The following KIFAP3 variants were observed in gnomAD, a reference collection of about 807,000 sequenced individuals.
KIFAP3 encodes the protein kinesin-associated protein 3.
KIFAP3 carries 68 observed loss-of-function variants against 106.5 expected under a neutral mutation model. The ratio of observed to expected loss-of-function variants is 0.64; its 90% CI spans 0.53 to 0.78. The LOEUF (loss-of-function observed/expected upper bound fraction) is 0.78. Ranked by LOEUF, KIFAP3 falls within the 30% of genes least tolerant of loss-of-function variation. The probability of loss-of-function intolerance (pLI) is 0.00; values close to 1 mark genes in which losing one functional copy is unlikely to be tolerated. For synonymous variants in KIFAP3, 320 were observed against 311.5 expected (o/e 1.03, Z -0.29); for missense variants, 780 against 941.8 (o/e 0.83, Z 2.25).
At chr1:170,072,300 G>C (rs375444711) in intron 1 of KIFAP3, among the ~76,000 whole-genome samples, 144 of 152,246 alleles carry the variant, frequency 9.5e-4, no homozygotes, top group African/African-American at 3.1e-3. Flanking sequence ...AATACAATGG[G>C]AAGTAAGATA....
At chr1:169,983,234 C>G (rs749722645) in intron 13 of KIFAP3, 36 bp downstream of exon 13, 2 of 1,172,910 alleles carry the variant, frequency 1.7e-6, no homozygotes, top group South Asian at 2.7e-5. Context: ...TTTCAATTCC[C>G]AGTCTATTTG....
At chr1:170,073,406 C>T (rs1434963109) in intron 1 of KIFAP3, among the ~76,000 whole-genome samples, 1 of 152,204 alleles carries the variant, frequency 6.6e-6, no homozygotes, top group African/African-American at 2.4e-5. Context: ...TATGAGTCTA[C>T]TAACACTTGG....
chr1:169,952,209 C>T (rs545461090), intron 19 of KIFAP3, among the ~76,000 whole-genome samples: 5 of 152,040 alleles, frequency 3.3e-5, no homozygotes, highest in Admixed American at 2.0e-4. Flanking sequence ...TTAAAGTACA[C>T]TACAGAACAC....
At chr1:170,084,687 G>A (rs181705130) in intron 1 of KIFAP3, among the ~76,000 whole-genome samples, 419 of 152,218 alleles carry the variant, frequency 2.8e-3, no homozygotes, top group Admixed American at 4.5e-3. Flanking sequence ...AAATATCATG[G>A]TACAGTTAAG....
chr1:169,994,558 T>C (rs1667279813), intron 10 of KIFAP3, among the ~76,000 whole-genome samples: 1 of 152,130 alleles, frequency 6.6e-6, no homozygotes, highest in South Asian at 2.1e-4. Context: ...CTCCTTGGGA[T>C]AAGATAAAAA....
chr1:169,978,158 C>T lies in KIFAP3; in HGVS notation c.1824G>A (p.Val608=), dbSNP rs763661913. 2 of 1,611,592 alleles carry T rather than the reference C, an allele frequency of 1.2e-6. No homozygotes were observed. The highest frequency in any genetic ancestry group is 2.2e-5 in the East Asian group (1 of 44,758). ...GGTAGAAGACATAAATTATCTGACACACAAATTCATCATCTTCTTGTTGAG... is the reference window on the plus strand; with the variant it reads ...GGTAGAAGACATAAATTATCTGACATACAAATTCATCATCTTCTTGTTGAG... ...LNAQQEDDEF[V]CQIIYVFYQM... Residue 608 remains valine (V), a synonymous_variant, in exon 16 of 20, where the codon GTG becomes GTA. Transcript: ENST00000361580.
chr1:170,059,481 A>G (rs1219242271), intron 1 of KIFAP3, among the ~76,000 whole-genome samples: 1 of 152,218 alleles, frequency 6.6e-6, no homozygotes, highest in East Asian at 1.9e-4. Context: ...GAATCCCTGA[A>G]CAGACCAATA....
chr1:170,073,362 GATTT>G (rs1450257983), intron 1 of KIFAP3, among the ~76,000 whole-genome samples: 2 of 152,212 alleles, frequency 1.3e-5, no homozygotes, highest in African/African-American at 4.8e-5. Flanking sequence ...CAATAGAGTT[GATTT>G]ATTTATTATA....
chr1:169,948,767 C>T (rs1407127001), intron 19 of KIFAP3, among the ~76,000 whole-genome samples: 1 of 151,812 alleles, frequency 6.6e-6, no homozygotes, highest in Admixed American at 6.6e-5. Context: ...TTTTGCTTGG[C>T]CAAATTAAGG....
At chr1:169,986,556 C>A (rs1168783005) in intron 11 of KIFAP3, among the ~76,000 whole-genome samples, 1 of 151,876 alleles carries the variant, frequency 6.6e-6, no homozygotes, top group Non-Finnish European at 1.5e-5. Context: ...GTAAAATAAT[C>A]TTAATTTACT....
At chr1:170,015,012 T>C (rs1166105640) in intron 10 of KIFAP3, among the ~76,000 whole-genome samples, 1 of 152,146 alleles carries the variant, frequency 6.6e-6, no homozygotes, top group Non-Finnish European at 1.5e-5. Flanking sequence ...ACAGTTCTAA[T>C]AAAACAGTCT....
Position 169,921,596 on chromosome 1 carries a change from T to C in KIFAP3, c.*80A>G. 9.5e-7 allele frequency: 1 copy of C among 1,056,812 alleles called. No individual in the cohort carries two copies. Among genetic ancestry groups the C allele is most frequent in the Non-Finnish European group, 1.4e-6 (1 of 691,876 alleles). The allele number at this position is 1,056,812 out of a possible 1,614,324, so 65.5% of individuals were successfully genotyped here. A position where few individuals can be genotyped will look rare whatever the true frequency, so the allele number is the denominator to read the frequency against. On this transcript the variant is annotated 3_prime_UTR_variant, in exon 20 of 20. Transcript: ENST00000361580. The stretch of plus-strand genomic sequence containing the variant: ...GACCCACAATAACATCAACATGCAT[T>C]ATTAGGCAAAGATCCAAAATTAACC...
At chr1:170,041,970 A>T in intron 3 of KIFAP3, 3 of 747,854 alleles carry the variant, frequency 4.0e-6, no homozygotes, top group Non-Finnish European at 5.8e-6. Context: ...CTGACTTATC[A>T]GGGTCTCATG....
At chr1:169,959,575 TTTAAA>T (rs747554894) in intron 18 of KIFAP3, among the ~76,000 whole-genome samples, 7 of 152,162 alleles carry the variant, frequency 4.6e-5, no homozygotes, top group Non-Finnish European at 8.8e-5. Flanking sequence ...AAGAGGTTAA[TTTAAA>T]TTAATTTTGG....
rs191187682 is a variant in KIFAP3 at position 170,052,742 on chromosome 1, T to C, written c.164+2563A>G. On this transcript the variant is annotated intron_variant, in intron 2 of 19. Transcript: ENST00000361580. ...CATAAACAGAACCAAGGACAAAAAC[T>C]ACATGATTATCTCAATAGATGCAGA... Among the ~76,000 whole-genome samples the C allele has an allele frequency of 1.5e-3, 226 of 152,170 alleles. 2 individuals carry two copies. Among genetic ancestry groups the C allele is most frequent in the African/African-American group, 4.9e-3 (202 of 41,508 alleles).
chr1:169,960,908 C>T (rs542570), intron 18 of KIFAP3, 138 bp downstream of exon 18: 531,706 of 577,082 alleles, frequency 0.92, 245,315 homozygotes, highest in East Asian at 0.99. Flanking sequence ...TATATATAGA[C>T]GTTACATCTA....
intron 19 of KIFAP3, among the ~76,000 whole-genome samples, chr1:169,933,121 A>G (rs1663585667): frequency 6.6e-6 from 1 of 152,070 alleles, no homozygotes; most frequent in Admixed American, 6.5e-5. Context: ...AACTTAAAAA[A>G]TTTGATTCTA....
At chr1:170,011,577 T>C (rs1482394500) in intron 10 of KIFAP3, among the ~76,000 whole-genome samples, 6 of 151,998 alleles carry the variant, frequency 3.9e-5, no homozygotes, top group Non-Finnish European at 7.4e-5. Context: ...TACATACACA[T>C]GTGAGGGTTG....
Position 170,000,953 on chromosome 1 carries a change from A to T in KIFAP3, c.1184-8698T>A, listed in dbSNP as rs568484950. Among the ~76,000 whole-genome samples, 261 of 152,220 alleles carry T rather than the reference A, an allele frequency of 1.7e-3. 1 individual carries two copies. The highest frequency in any genetic ancestry group is 6.1e-3 in the African/African-American group (254 of 41,560). On this transcript the variant is annotated intron_variant, in intron 10 of 19. Coordinates refer to ENST00000361580, the MANE Select transcript of KIFAP3 (RefSeq NM_014970.4). The stretch of plus-strand genomic sequence containing the variant: ...AGTAATTTTTTATGTCCAATTATTT[A>T]ATTTTAAAAGTATGAGAAACTAACA...
Sources: allele counts gnomAD v4.1 joint callset (sites outside exome capture counted in the v4.1 genomes callset), GRCh38; gene constraint gnomAD v4.1.1; transcripts MANE v1.5; gene names NCBI Gene and HGNC (gene_info 2026-07-23, HGNC 2026-07-21).